The following RNF170 variants were observed in gnomAD, a reference collection of about 807,000 sequenced individuals.
The protein encoded by RNF170 is E3 ubiquitin-protein ligase RNF170.
RNF170 carries 12 observed loss-of-function variants against 32.7 expected under a neutral mutation model. That is an observed-to-expected ratio of 0.37 (90% CI 0.24 to 0.60). The LOEUF is 0.60. RNF170 is among the 20% of genes least tolerant of loss of function. The pLI, the probability that RNF170 is intolerant of heterozygous loss-of-function variation, is 0.72. For synonymous variants in RNF170, 91 were observed against 103.6 expected, an observed-to-expected ratio of 0.88 and a Z score of 0.74; for missense variants, 212 against 311.2, an observed-to-expected ratio of 0.68 and a Z score of 2.40.
intron 4 of RNF170, among the ~76,000 whole-genome samples, chr8:42,866,043 C>T (rs1336003285): frequency 6.6e-6 from 1 of 152,156 alleles, no homozygotes; most frequent in Non-Finnish European, 1.5e-5. Flanking sequence ...TATATATTAA[C>T]TGCCTTAATA....
rs563101478 is a variant in RNF170 at position 42,859,290 on chromosome 8, C to T, written c.507+2455G>A. ...GAAGTGAGGAGGCCACTGTGGTTGC[C>T]GTGAGCAGAGATGACAGGGCTGGAC... is the stretch of plus-strand genomic sequence containing the variant. On this transcript the variant is annotated intron_variant, in intron 6 of 6. Transcript: ENST00000527424. Among the ~76,000 whole-genome samples the T allele has an allele frequency of 6.6e-5, 10 of 152,202 alleles. No homozygotes were observed. In the South Asian group the frequency reaches 1.0e-3, roughly 16 times the overall value.
upstream of RNF170, chr8:42,896,867 T>G: frequency 1.0e-5 from 3 of 297,096 alleles, no homozygotes; most frequent in Non-Finnish European, 6.1e-6. Context: ...GGAGGAGCGG[T>G]GTGGGCGGCC....
chr8:42,897,065 G>A (rs1806996616), upstream of RNF170: 10 of 1,186,664 alleles, frequency 8.4e-6, no homozygotes, highest in African/African-American at 3.2e-5. Context: ...CGGGCCCCCG[G>A]ATCCCCCGAC....
At chr8:42,892,635 G>T (rs991561412) in intron 1 of RNF170, among the ~76,000 whole-genome samples, 2 of 150,180 alleles carry the variant, frequency 1.3e-5, no homozygotes, top group East Asian at 3.9e-4. Context: ...TATCTTACTG[G>T]ATTTATTTTT....
chr8:42,892,774 G>A (rs1179592929), intron 1 of RNF170, among the ~76,000 whole-genome samples: 3 of 150,974 alleles, frequency 2.0e-5, no homozygotes, highest in African/African-American at 7.3e-5. Flanking sequence ...ATCACTTGAA[G>A]CCAGGAGTTT....
chr8:42,859,290 C>A (rs563101478), intron 6 of RNF170, among the ~76,000 whole-genome samples: 2 of 152,202 alleles, frequency 1.3e-5, no homozygotes, highest in South Asian at 4.1e-4. Context: ...CTGTGGTTGC[C>A]GTGAGCAGAG....
At chr8:42,896,258 A>T (rs539837590) in intron 1 of RNF170, 1 of 343,234 alleles carries the variant, frequency 2.9e-6, no homozygotes, top group South Asian at 2.2e-5. Context: ...ACCCACCTAG[A>T]GCCGCTCTCC....
chr8:42,861,438 T>G (rs1803652117), intron 6 of RNF170: 1 of 307,654 alleles, frequency 3.3e-6, no homozygotes, highest in Admixed American at 4.6e-5. Flanking sequence ...CCTCCTGGGC[T>G]CAGGTGATCC....
rs188916717 is a variant in RNF170 at position 42,879,329 on chromosome 8, A to G, written c.138-5323T>C. Among the ~76,000 whole-genome samples the G allele has an allele frequency of 7.9e-4, 121 of 152,326 alleles. 4 individuals carry two copies. In the South Asian group the frequency reaches 0.025, roughly 31 times the overall value. On this transcript the variant is annotated intron_variant, in intron 2 of 6. Coordinates refer to ENST00000527424, the MANE Select transcript of RNF170 (RefSeq NM_030954.4). ...GGGAATCAATTGAAACCTTCTGGAA[A>G]GGATCCCCCATTCTAGATGCCATCA...
At chr8:42,883,470 G>A (rs1335149638) in intron 2 of RNF170, among the ~76,000 whole-genome samples, 1 of 149,458 alleles carries the variant, frequency 6.7e-6, no homozygotes, top group Non-Finnish European at 1.5e-5. Flanking sequence ...TCAGGAGGCT[G>A]AGGCAGAAGA....
chr8:42,865,293 G>T, intron 5 of RNF170, 123 bp downstream of exon 5: 1 of 666,046 alleles, frequency 1.5e-6, no homozygotes, highest in Non-Finnish European at 2.6e-6. Flanking sequence ...TGACATCAAA[G>T]AAGATTTGGA....
At chr8:42,851,715 C>A (rs1375729482), downstream of RNF170, among the ~76,000 whole-genome samples, 2 of 150,188 alleles carry the variant, frequency 1.3e-5, no homozygotes, top group African/African-American at 2.5e-5. Flanking sequence ...ACAAGGCTCA[C>A]CACAGCCTTC....
chr8:42,894,766 T>C (rs1371018390), intron 1 of RNF170, among the ~76,000 whole-genome samples: 3 of 152,104 alleles, frequency 2.0e-5, no homozygotes, highest in Non-Finnish European at 4.4e-5. Flanking sequence ...GGTTTCACCA[T>C]GTTGGCCAGG....
chr8:42,856,236 A>G lies in RNF170; in HGVS notation c.700T>C (p.Phe234Leu). ...ATAAGCAATAAAAAGATGACAAAGA[A>G]ATCATCTAGAAAGCCTAGAATTCCA... ...LFGILGFLDD[F>L]FVIFLLLIYI... is the part of the protein sequence containing the mutation. The change falls in exon 7 of 7, where the codon TTC becomes CTC. Residue 234 changes from phenylalanine to leucine, a missense_variant. Physicochemically the swap from Phe to Leu is conservative, Grantham distance 22. This residue lies in a region of RNF170 where 97 missense variants were observed against 178.9 expected (regional missense o/e 0.54). Transcript: ENST00000527424. The G allele has an allele frequency of 1.2e-6, 2 of 1,611,044 alleles. No individual in the cohort carries two copies. The highest frequency in any genetic ancestry group is 1.7e-4 in the Middle Eastern group (1 of 6,042).
chr8:42,871,782 C>G (rs1255067142), intron 3 of RNF170, among the ~76,000 whole-genome samples: 1 of 152,200 alleles, frequency 6.6e-6, no homozygotes, highest in Non-Finnish European at 1.5e-5. Context: ...TGGTCTTGAG[C>G]TCCTGACCTC....
At chr8:42,877,654 T>TA (rs1805058142) in intron 2 of RNF170, among the ~76,000 whole-genome samples, 1 of 152,122 alleles carries the variant, frequency 6.6e-6, no homozygotes. Flanking sequence ...GGGCCAAACT[T>TA]AAGAGTTAAA....
At chr8:42,877,319 A>C (rs955695704) in intron 2 of RNF170, among the ~76,000 whole-genome samples, 1 of 151,928 alleles carries the variant, frequency 6.6e-6, no homozygotes, top group Non-Finnish European at 1.5e-5. Flanking sequence ...CCCGGGTTCA[A>C]GCGATTTCCA....
chr8:42,894,137 G>A (rs1014794240), intron 1 of RNF170, among the ~76,000 whole-genome samples: 2 of 152,320 alleles, frequency 1.3e-5, no homozygotes, highest in Non-Finnish European at 2.9e-5. Flanking sequence ...CATCCAAAAA[G>A]TTTTTACTAA....
At chr8:42,860,890 G>GTATTTTAGTAGAGCTAATTTTAA (rs1803604237) in intron 6 of RNF170, among the ~76,000 whole-genome samples, 2 of 152,022 alleles carry the variant, frequency 1.3e-5, no homozygotes, top group Admixed American at 6.6e-5. Flanking sequence ...GCTAATTTTT[G>GTATTTTAGTAGAGCTAATTTTAA]TATTTTTAGT....
Sources: allele counts gnomAD v4.1 joint callset (sites outside exome capture counted in the v4.1 genomes callset), GRCh38; gene constraint gnomAD v4.1.1; regional missense constraint gnomAD v4.1.1; transcripts MANE v1.5; gene names NCBI Gene and HGNC (gene_info 2026-07-23, HGNC 2026-07-21).